The following MCPH1 variants were observed in gnomAD, a reference collection of about 807,000 sequenced individuals.
MCPH1 encodes microcephalin 1, also known as microcephalin.
In MCPH1, 104 loss-of-function variants were observed where a neutral mutation model predicts 84.5. That is an observed-to-expected ratio of 1.23 (90% CI 1.05 to 1.45). The LOEUF is 1.45. Ranked by LOEUF, MCPH1 falls within the 40% of genes most tolerant of loss-of-function variation. The pLI is 0.00. For missense variants in MCPH1, 1,498 were observed against 1,005.7 expected, an observed-to-expected ratio of 1.49 and a Z score of -6.62; for synonymous variants, 514 against 366.8, an observed-to-expected ratio of 1.40 and a Z score of -4.58.
intron 12 of MCPH1, among the ~76,000 whole-genome samples, chr8:6,579,901 G>T (rs1485187216): frequency 2.2e-4 from 34 of 152,148 alleles, no homozygotes; most frequent in Non-Finnish European, 1.6e-4. Context: ...CACAGAACTG[G>T]CCTGGCGAGG....
chr8:6,486,422 G>C (rs1809937715), intron 11 of MCPH1, among the ~76,000 whole-genome samples: 1 of 152,064 alleles, frequency 6.6e-6, no homozygotes, highest in Non-Finnish European at 1.5e-5. Context: ...ACACTGCTGA[G>C]CATGTTTTTA....
At position 6,645,606 on chromosome 8, in the gene MCPH1, C is replaced by CAAAAAAAAAAAAAAAAAAAAAAAA; in HGVS notation, c.*2577_*2578insAAAAAAAAAAAAAAAAAAAAAAAA. On this transcript the variant is annotated 3_prime_UTR_variant, in exon 14 of 14. Transcript: ENST00000344683. Reference sequence around the variant, plus strand: ...CTATGTATAGAAATTGTAAGGAATGCAAAAAAAAAAAAAAAAAAAAGCCCT... The same window carrying CAAAAAAAAAAAAAAAAAAAAAAAA: ...CTATGTATAGAAATTGTAAGGAATGCAAAAAAAAAAAAAAAAAAAAAAAAAAAAAAAAAAAAAAAAAAAAGCCCT... The CAAAAAAAAAAAAAAAAAAAAAAAA allele has an allele frequency of 1.9e-5, 1 of 51,764 alleles. No individual in the cohort carries two copies. Among genetic ancestry groups the CAAAAAAAAAAAAAAAAAAAAAAAA allele is most frequent in the South Asian group, 7.0e-4 (1 of 1,438 alleles). 3.2% of individuals were successfully genotyped at this position (51,764 alleles called of 1,614,324 possible).
At chr8:6,584,451 C>T (rs1257532919) in intron 12 of MCPH1, among the ~76,000 whole-genome samples, 1 of 152,122 alleles carries the variant, frequency 6.6e-6, no homozygotes, top group Non-Finnish European at 1.5e-5. Flanking sequence ...TCTTACTGGC[C>T]AATTTTTTTG....
chr8:6,444,021 C>T (rs1188351704), intron 7 of MCPH1, among the ~76,000 whole-genome samples: 2 of 152,124 alleles, frequency 1.3e-5, no homozygotes, highest in African/African-American at 4.8e-5. Flanking sequence ...TAGAACTTTC[C>T]CTAGATCTTA....
intron 12 of MCPH1, among the ~76,000 whole-genome samples, chr8:6,576,325 G>T (rs1168593017): frequency 6.6e-6 from 1 of 152,158 alleles, no homozygotes; most frequent in Non-Finnish European, 1.5e-5. Flanking sequence ...GGAAGATGGG[G>T]CTGACCTCAG....
At chr8:6,464,589 G>A (rs1806644654) in intron 9 of MCPH1, among the ~76,000 whole-genome samples, 1 of 152,184 alleles carries the variant, frequency 6.6e-6, no homozygotes, top group Non-Finnish European at 1.5e-5. Flanking sequence ...TGGATCTCCT[G>A]TGCCTCAGTG....
At chr8:6,577,592 C>T (rs558783442) in intron 12 of MCPH1, among the ~76,000 whole-genome samples, 1 of 152,328 alleles carries the variant, frequency 6.6e-6, no homozygotes, top group Admixed American at 6.5e-5. Flanking sequence ...AGCCAAAGGG[C>T]TTGCATTTGA....
chr8:6,558,926 A>G (rs544622710), intron 12 of MCPH1, among the ~76,000 whole-genome samples: 2 of 152,302 alleles, frequency 1.3e-5, no homozygotes, highest in African/African-American at 2.4e-5. Flanking sequence ...ACAGTAAACT[A>G]TATTTGTATT....
At chr8:6,454,786 A>C (rs1215411722) in intron 8 of MCPH1, among the ~76,000 whole-genome samples, 4 of 152,236 alleles carry the variant, frequency 2.6e-5, no homozygotes, top group Non-Finnish European at 4.4e-5. Flanking sequence ...TCTAATATGG[A>C]ACTGCCTACT....
chr8:6,495,721 A>T (rs369358369), intron 11 of MCPH1, among the ~76,000 whole-genome samples: 21 of 152,344 alleles, frequency 1.4e-4, no homozygotes, highest in African/African-American at 3.8e-4. Context: ...TGAAGGGTGG[A>T]TGGAGGAGAT....
chr8:6,635,607 A>T lies in MCPH1; in HGVS notation c.2453-7387A>T, dbSNP rs887435841. On this transcript the variant is annotated intron_variant, in intron 13 of 13. Coordinates refer to ENST00000344683, the MANE Select transcript of MCPH1 (RefSeq NM_024596.5). ...GGCCCTGTCTCAAAAAAACCCAAAA[A>T]ACTAAGTAAATATTTTGTACATGAA... Among the ~76,000 whole-genome samples the T allele has an allele frequency of 2.6e-5, 4 of 152,154 alleles. No homozygotes were observed. The East Asian group carries it at 7.7e-4, about 29-fold the overall frequency.
intron 12 of MCPH1, among the ~76,000 whole-genome samples, chr8:6,546,539 C>CT (rs11418335): frequency 0.49 from 74,771 of 151,984 alleles, 18,766 homozygotes; most frequent in African/African-American, 0.61. Context: ...AATAAAGGAT[C>CT]TTTTTTTAAA....
chr8:6,535,769 C>T (rs1820371441), intron 12 of MCPH1, among the ~76,000 whole-genome samples: 1 of 152,058 alleles, frequency 6.6e-6, no homozygotes, highest in East Asian at 1.9e-4. Context: ...ATATTTGAGC[C>T]AGTCGTGATG....
At chr8:6,465,983 C>G (rs1373097152) in intron 9 of MCPH1, among the ~76,000 whole-genome samples, 2 of 147,978 alleles carry the variant, frequency 1.4e-5, no homozygotes, top group African/African-American at 5.0e-5. Context: ...GATACAGAGC[C>G]TCGCTCTGTC....
rs900510493 is a variant in MCPH1, at chr8:6,488,854, G to A, written c.2136+7978G>A. Among the ~76,000 whole-genome samples, 5 of 151,934 alleles carry A rather than the reference G, an allele frequency of 3.3e-5. 1 individual carries two copies. Among genetic ancestry groups the A allele is most frequent in the Admixed American group, 6.6e-5 (1 of 15,250 alleles). ...GAAGCAGGAGGCAGCTAGGGTCATCGAGGTGAAAAATGACTGCGGCTGTGT... is the reference window on the plus strand; with the variant it reads ...GAAGCAGGAGGCAGCTAGGGTCATCAAGGTGAAAAATGACTGCGGCTGTGT... On this transcript the variant is annotated intron_variant, in intron 11 of 13. Coordinates refer to ENST00000344683, the MANE Select transcript of MCPH1 (RefSeq NM_024596.5).
intron 12 of MCPH1, chr8:6,508,207 C>T (rs1029411413): frequency 6.6e-6 from 1 of 152,216 alleles, no homozygotes; most frequent in African/African-American, 2.4e-5. Context: ...CTCAACACTT[C>T]TGGAGGCTGC....
In MCPH1 at chr8:6,497,441, G is replaced by A. The variant is rs571894949; in HGVS notation, c.2137-2411G>A. On this transcript the variant is annotated intron_variant, in intron 11 of 13. Transcript: ENST00000344683. ...TCACTTGAACCTGGGAGACGATGCT[G>A]CAGTGAGCCAAGATTACACCACTGT... Among the ~76,000 whole-genome samples, 104 of 152,270 alleles carry A rather than the reference G, an allele frequency of 6.8e-4. 1 individual carries two copies. The highest frequency in any genetic ancestry group is 1.9e-3 in the Admixed American group (29 of 15,290).
Position 6,508,709 on chromosome 8 carries a change from G to C in MCPH1, c.2214+8780G>C, listed in dbSNP as rs1034896266. 4.7e-6 allele frequency: 3 copies of C among 638,836 alleles called. No individual in the cohort carries two copies. The African/African-American group carries it at 5.5e-5, about 12-fold the overall frequency. 39.6% of individuals were successfully genotyped at this position (638,836 alleles called of 1,614,324 possible). A position where few individuals can be genotyped will look rare whatever the true frequency, so the allele number is the denominator to read the frequency against. On this transcript the variant is annotated intron_variant, in intron 12 of 13. Transcript: ENST00000344683. The stretch of plus-strand genomic sequence containing the variant: ...CCTTGCCAGGGCTAGGTCCTGAGGA[G>C]ACACAGTTGGCTTGCTGACAAGTCT...
At position 6,519,898 on chromosome 8, in the gene MCPH1, G is replaced by C. The variant is rs61733318; in HGVS notation, c.2214+19969G>C. On this transcript the variant is annotated intron_variant, in intron 12 of 13. Transcript: ENST00000344683. Reference sequence around the variant, plus strand: ...TTCTGTAGAATTAGGGAATGTTAACGTGTAGATGCCATTCGTGGTGTGTCC... The same window carrying C: ...TTCTGTAGAATTAGGGAATGTTAACCTGTAGATGCCATTCGTGGTGTGTCC... 12 of 1,613,956 alleles carry C rather than the reference G, an allele frequency of 7.4e-6. No individual in the cohort carries two copies. The highest frequency in any genetic ancestry group is 4.0e-5 in the African/African-American group (3 of 74,944).
Sources: allele counts gnomAD v4.1 joint callset (sites outside exome capture counted in the v4.1 genomes callset), GRCh38; gene constraint gnomAD v4.1.1; transcripts MANE v1.5; gene names NCBI Gene and HGNC (gene_info 2026-07-23, HGNC 2026-07-21).